PTCD1: variants seen among roughly 807,000 people sequenced by gnomAD.
PTCD1 encodes pentatricopeptide repeat domain 1, also known as pentatricopeptide repeat-containing protein 1, mitochondrial.
A neutral mutation model predicts 53.4 loss-of-function variants in PTCD1; 50 were observed. The ratio of observed to expected loss-of-function variants is 0.94; its 90% CI spans 0.75 to 1.19. The LOEUF is 1.19. Ranked by LOEUF, PTCD1 falls within the 50% of genes most tolerant of loss-of-function variation. The probability of loss-of-function intolerance (pLI) is 0.00; values close to 1 mark genes in which losing one functional copy is unlikely to be tolerated. For missense variants in PTCD1, 918 were observed against 904.8 expected, an observed-to-expected ratio of 1.01 and a Z score of -0.19; for synonymous variants, 413 against 394.8, an observed-to-expected ratio of 1.05 and a Z score of -0.55.
rs372771177 is a variant in PTCD1 at position 99,418,795 on chromosome 7, C to G, written c.*1172G>C. ...CCGCTGTAGACTTACCTGGGTTTCA[C>G]CAGAGGATCCTGTTTACTTAAACTA... On this transcript the variant is annotated 3_prime_UTR_variant, in exon 8 of 8. Coordinates refer to ENST00000292478, the MANE Select transcript of PTCD1 (RefSeq NM_015545.4). The G allele has an allele frequency of 2.0e-5, 3 of 153,020 alleles. No homozygotes were observed. Among genetic ancestry groups the G allele is most frequent in the South Asian group, 2.1e-4 (1 of 4,864 alleles). The allele number at this position is 153,020 out of a possible 1,614,324, so 9.5% of individuals were successfully genotyped here. A position where few individuals can be genotyped will look rare whatever the true frequency, so the allele number is the denominator to read the frequency against.
intron 5 of PTCD1, among the ~76,000 whole-genome samples, chr7:99,426,593 G>A (rs1182231041): frequency 6.6e-6 from 1 of 152,198 alleles, no homozygotes; most frequent in Admixed American, 6.5e-5. Flanking sequence ...CAAGACGGCC[G>A]CCACCCCGTC....
At chr7:99,422,313 T>A (rs1197113805) in intron 7 of PTCD1, among the ~76,000 whole-genome samples, 1 of 152,164 alleles carries the variant, frequency 6.6e-6, no homozygotes, top group Non-Finnish European at 1.5e-5. Context: ...CCCTGCCCAT[T>A]TACTTGTTTC....
chr7:99,435,200 G>C lies in PTCD1; in HGVS notation c.43C>G (p.Pro15Ala), dbSNP rs759785202. Reference sequence around the variant, plus strand: ...TGTTGCAGGATGAACAGTCCCATGGGGCGGGCCCTGGCGAACAGTCGAGCG... The same window carrying C: ...TGTTGCAGGATGAACAGTCCCATGGCGCGGGCCCTGGCGAACAGTCGAGCG... ...RLARLFARAR[P>A]MGLFILQHLD... is the part of the protein sequence containing the mutation. Residue 15 changes from proline (P) to alanine (A), a missense_variant, in exon 2 of 8, where the codon CCC (proline) becomes GCC (alanine). Transcript: ENST00000292478. The C allele has an allele frequency of 4.4e-6, 7 of 1,604,546 alleles. No individual in the cohort carries two copies. The highest frequency in any genetic ancestry group is 1.7e-5 in the Admixed American group (1 of 60,016).
chr7:99,427,003 G>A (rs1486379229), intron 5 of PTCD1, among the ~76,000 whole-genome samples: 2 of 151,958 alleles, frequency 1.3e-5, no homozygotes, highest in Non-Finnish European at 2.9e-5. Flanking sequence ...TGAGAAGTGA[G>A]GAGCCCCTCC....
At chr7:99,421,422 G>A (rs533093005) in intron 7 of PTCD1, among the ~76,000 whole-genome samples, 120 of 133,724 alleles carry the variant, frequency 9.0e-4, no homozygotes, top group Admixed American at 2.2e-3. Context: ...AGTGATTCCC[G>A]TCTCTTTAAA....
intron 6 of PTCD1, among the ~76,000 whole-genome samples, 175 bp from the exon 7 acceptor site, chr7:99,424,132 C>T (rs930705400): frequency 2.6e-5 from 4 of 152,192 alleles, no homozygotes; most frequent in African/African-American, 9.7e-5. Context: ...AGCCCAGCCC[C>T]TCTGCTCAGC....
chr7:99,427,189 G>A (rs1233467581), intron 5 of PTCD1, among the ~76,000 whole-genome samples: 8 of 140,464 alleles, frequency 5.7e-5, no homozygotes, highest in Admixed American at 1.4e-4. Flanking sequence ...GGGGTGGTCA[G>A]CCCCCTGCCC....
chr7:99,420,166 G>A lies in PTCD1; in HGVS notation c.1921-17C>T, dbSNP rs1795734378. 2 of 1,613,868 alleles carry A rather than the reference G, an allele frequency of 1.2e-6. No homozygotes were observed. The highest frequency in any genetic ancestry group is 1.7e-5 in the Admixed American group (1 of 60,002). ...CCCTTGGTACTAGAATTAGAAAAGTGAGGCTAGAATCACTCCTGTTACCTA... is the reference window on the plus strand; with the variant it reads ...CCCTTGGTACTAGAATTAGAAAAGTAAGGCTAGAATCACTCCTGTTACCTA... On this transcript the variant is annotated splice_polypyrimidine_tract_variant and intron_variant, in intron 7 of 7. Transcript: ENST00000292478.
intron 3 of PTCD1, among the ~76,000 whole-genome samples, chr7:99,430,896 A>T (rs1290314418): frequency 6.6e-6 from 1 of 151,944 alleles, no homozygotes; most frequent in East Asian, 1.9e-4. Flanking sequence ...ACATGGCGAA[A>T]CCCCGTCTTC....
intron 3 of PTCD1, 190 bp downstream of exon 3, chr7:99,433,088 C>T: frequency 1.2e-6 from 1 of 834,410 alleles, no homozygotes; most frequent in Non-Finnish European, 1.9e-6. Flanking sequence ...CGCCACAGTC[C>T]AGGCAGGTGC....
intron 2 of PTCD1, among the ~76,000 whole-genome samples, chr7:99,433,725 G>A (rs1329003368): frequency 2.0e-5 from 3 of 152,178 alleles, no homozygotes; most frequent in African/African-American, 4.8e-5. Context: ...GAACAAGAGA[G>A]AGCTCCTTCT....
At chr7:99,426,897 GC>G in intron 5 of PTCD1, among the ~76,000 whole-genome samples, 1 of 150,764 alleles carries the variant, frequency 6.6e-6, no homozygotes, top group South Asian at 2.1e-4. Flanking sequence ...GAGCGTCTCT[GC>G]CCGGCCGCCC....
chr7:99,419,738 C>T lies in PTCD1; in HGVS notation c.*229G>A, dbSNP rs936652175. 2 of 732,072 alleles carry T rather than the reference C, an allele frequency of 2.7e-6. No individual in the cohort carries two copies. The highest frequency in any genetic ancestry group is 5.4e-5 in the East Asian group (2 of 37,040). 45.3% of individuals were successfully genotyped at this position (732,072 alleles called of 1,614,324 possible). A position where few individuals can be genotyped will look rare whatever the true frequency, so the allele number is the denominator to read the frequency against. On this transcript the variant is annotated 3_prime_UTR_variant, in exon 8 of 8. Transcript: ENST00000292478. ...AGGTGACACACAAAGGTAGCTGGAGCTGGAAGTCCCGTGAAGGTGACACGC... is the reference window on the plus strand; with the variant it reads ...AGGTGACACACAAAGGTAGCTGGAGTTGGAAGTCCCGTGAAGGTGACACGC...
intron 5 of PTCD1, among the ~76,000 whole-genome samples, chr7:99,426,396 T>C (rs1796027235): frequency 6.6e-6 from 1 of 152,226 alleles, no homozygotes; most frequent in African/African-American, 2.4e-5. Flanking sequence ...TTCGCTGTGT[T>C]GGCCAGGCTG....
chr7:99,433,814 G>A (rs1229707378), intron 2 of PTCD1, among the ~76,000 whole-genome samples: 1 of 152,158 alleles, frequency 6.6e-6, no homozygotes, highest in East Asian at 1.9e-4. Flanking sequence ...AGCACTTTGG[G>A]AGGCTGAGGC....
Position 99,433,284 on chromosome 7 carries a change from G to A in PTCD1, c.588C>T (p.Tyr196=). 6.2e-7 allele frequency: 1 copy of A among 1,614,212 alleles called. No individual in the cohort carries two copies. Among genetic ancestry groups the A allele is most frequent in the African/African-American group, 1.3e-5 (1 of 75,038 alleles). The change falls in exon 3 of 8, where the codon TAC becomes TAT. Residue 196 remains tyrosine (Y), a synonymous_variant. Coordinates refer to ENST00000292478, the MANE Select transcript of PTCD1 (RefSeq NM_015545.4). The part of the protein sequence containing the change: ...VGYLKKAFNL[Y]NQMKKRDLEP... Reference sequence around the variant, plus strand: ...GCCCTGCGCCCACATGCACCTGGTTGTAGAGGTTGAAGGCCTTCTTCAGGT... The same window carrying A: ...GCCCTGCGCCCACATGCACCTGGTTATAGAGGTTGAAGGCCTTCTTCAGGT...
At chr7:99,429,268 T>A (rs1796171435) in intron 4 of PTCD1, 64 bp from the exon 5 acceptor site, 3 of 1,590,110 alleles carry the variant, frequency 1.9e-6, no homozygotes, top group South Asian at 2.2e-5. Flanking sequence ...GTAGCTCATG[T>A]CTGTAATCCT....
At chr7:99,420,417 C>T (rs942867668) in intron 7 of PTCD1, among the ~76,000 whole-genome samples, 3 of 152,340 alleles carry the variant, frequency 2.0e-5, no homozygotes, top group Non-Finnish European at 2.9e-5. Flanking sequence ...CTCCTCCATC[C>T]GCAGTTGCCA....
chr7:99,431,204 C>T (rs747827339), intron 3 of PTCD1, among the ~76,000 whole-genome samples: 3 of 151,862 alleles, frequency 2.0e-5, no homozygotes, highest in Non-Finnish European at 4.4e-5. Context: ...CGGCTCACTA[C>T]GACCTCCCTC....
Sources: gnomAD v4.1 joint callset for allele counts (sites outside exome capture counted in the v4.1 genomes callset) on GRCh38, gnomAD v4.1.1 for gene constraint, MANE v1.5 for transcripts, NCBI Gene and HGNC (gene_info 2026-07-23, HGNC 2026-07-21) for gene names.